ELAPOR1: variants seen among roughly 807,000 people sequenced by gnomAD.
ELAPOR1 encodes the protein endosome/lysosome-associated apoptosis and autophagy regulator 1.
In ELAPOR1, 77 loss-of-function variants were observed where a neutral mutation model predicts 119.7. The ratio of observed to expected loss-of-function variants is 0.64; its 90% CI spans 0.54 to 0.78. ELAPOR1 has a LOEUF of 0.78. ELAPOR1 is among the 30% of genes least tolerant of loss of function. The probability of loss-of-function intolerance (pLI) is 0.00; values close to 1 mark genes in which losing one functional copy is unlikely to be tolerated. For synonymous variants in ELAPOR1, 481 were observed against 487.2 expected (o/e 0.99, Z 0.17); for missense variants, 1,115 against 1,270.4 (o/e 0.88, Z 1.86).
Position 109,197,476 on chromosome 1 carries a change from T to A in ELAPOR1, c.2124T>A (p.Gly708=), listed in dbSNP as rs770279178. Residue 708 remains glycine, a splice_region_variant and synonymous_variant, in exon 16 of 22, where the codon GGT becomes GGA. Coordinates refer to ENST00000369939, the MANE Select transcript of ELAPOR1 (RefSeq NM_020775.5). ...CTTCCTCCCCACTCCCCAACCAGGG[T>A]AGGAAAATGTCTGTGTGCACCGACA... ...HFTLSLCGNQ[G]RKMSVCTDNV... The A allele has an allele frequency of 1.1e-5, 17 of 1,613,516 alleles. No individual in the cohort carries two copies. Among genetic ancestry groups the A allele is most frequent in the African/African-American group, 1.3e-5 (1 of 74,890 alleles).
intron 21 of ELAPOR1, among the ~76,000 whole-genome samples, chr1:109,202,212 A>C (rs1348892160): frequency 6.6e-6 from 1 of 151,760 alleles, no homozygotes; most frequent in African/African-American, 2.4e-5. Context: ...TCCCAGGTTC[A>C]AGTGGTTCTC....
At chr1:109,165,499 C>G (rs753158385) in intron 3 of ELAPOR1, among the ~76,000 whole-genome samples, 1 of 151,188 alleles carries the variant, frequency 6.6e-6, no homozygotes, top group Non-Finnish European at 1.5e-5. Context: ...GCAGGAGAAT[C>G]GCTTGAACTG....
At chr1:109,196,652 G>A (rs190841165) in intron 15 of ELAPOR1, among the ~76,000 whole-genome samples, 54 of 139,512 alleles carry the variant, frequency 3.9e-4, no homozygotes, top group African/African-American at 3.3e-4. Flanking sequence ...CTACAATCTA[G>A]AAAAAAAAAA....
At chr1:109,178,184 T>C (rs951216632) in intron 7 of ELAPOR1, among the ~76,000 whole-genome samples, 9 of 152,066 alleles carry the variant, frequency 5.9e-5, no homozygotes, top group African/African-American at 1.4e-4. Context: ...TAAATTTTTG[T>C]ATTTTTAGTA....
At chr1:109,156,271 C>T (rs1650867832) in intron 1 of ELAPOR1, among the ~76,000 whole-genome samples, 1 of 151,862 alleles carries the variant, frequency 6.6e-6, no homozygotes, top group Non-Finnish European at 1.5e-5. Context: ...AGAGGTTAGG[C>T]ATGTTCTCTA....
At chr1:109,144,061 A>ATATATATATATATTTTT in intron 1 of ELAPOR1, among the ~76,000 whole-genome samples, 9 of 88,990 alleles carry the variant, frequency 1.0e-4, no homozygotes, top group African/African-American at 3.9e-4. Context: ...ATATTTATAT[A>ATATATATATATATTTTT]TTTTTTTTTT....
intron 21 of ELAPOR1, chr1:109,201,456 G>A (rs1411878105): frequency 2.3e-6 from 1 of 431,912 alleles, no homozygotes; most frequent in Non-Finnish European, 4.7e-6. Flanking sequence ...AGACAATACT[G>A]TCACTGGGTG....
chr1:109,133,811 A>G (rs1649296309), intron 1 of ELAPOR1, among the ~76,000 whole-genome samples: 1 of 152,244 alleles, frequency 6.6e-6, no homozygotes, highest in South Asian at 2.1e-4. Flanking sequence ...AGAAATGGCA[A>G]GATTTGTCCT....
chr1:109,196,270 C>T (rs776547303), intron 15 of ELAPOR1, among the ~76,000 whole-genome samples: 1 of 152,142 alleles, frequency 6.6e-6, no homozygotes. Context: ...GCAAAGAAGT[C>T]GATGGGTGTT....
Position 109,200,225 on chromosome 1 carries a change from A to C in ELAPOR1, c.2795A>C (p.Lys932Thr). 1 of 1,614,028 alleles carries C rather than the reference A, an allele frequency of 6.2e-7. No individual in the cohort carries two copies. Among genetic ancestry groups the C allele is most frequent in the Non-Finnish European group, 8.5e-7 (1 of 1,179,932 alleles). ...ACCGTCTTGACCTGCTACTTTTGGA[A>C]AAAGAATCAAAAGTACATGTTGCGG... ...LLTVLTCYFW[K>T]KNQKLEYKYS... is the part of the protein sequence containing the mutation. Residue 932 changes from lysine (K) to threonine (T), a missense_variant, in exon 20 of 22, where the codon AAA becomes ACA. Physicochemically the swap from Lys to Thr is moderately conservative, Grantham distance 78. Coordinates refer to ENST00000369939, the MANE Select transcript of ELAPOR1 (RefSeq NM_020775.5).
chr1:109,131,050 G>C (rs939408635), intron 1 of ELAPOR1, among the ~76,000 whole-genome samples: 1 of 152,120 alleles, frequency 6.6e-6, no homozygotes, highest in Non-Finnish European at 1.5e-5. Context: ...GGGTGATTCT[G>C]GCTCAGAGTC....
intron 2 of ELAPOR1, among the ~76,000 whole-genome samples, chr1:109,163,610 G>A (rs1367355454): frequency 6.6e-6 from 1 of 151,772 alleles, no homozygotes; most frequent in Non-Finnish European, 1.5e-5. Flanking sequence ...TGTTGCCCAG[G>A]TTGGCCTCAA....
At chr1:109,158,303 A>G (rs1018656193) in intron 1 of ELAPOR1, among the ~76,000 whole-genome samples, 1 of 144,188 alleles carries the variant, frequency 6.9e-6, no homozygotes, top group African/African-American at 2.7e-5. Context: ...CTGACTTGAC[A>G]GTTTTCTTTT....
intron 1 of ELAPOR1, among the ~76,000 whole-genome samples, chr1:109,126,485 T>G (rs150829025): frequency 0.018 from 2,667 of 152,282 alleles, 88 homozygotes; most frequent in African/African-American, 0.061. Context: ...CACTTTTTTT[T>G]TTTGAGATGG....
Position 109,191,743 on chromosome 1 carries a change from C to T in ELAPOR1, c.1563C>T (p.Thr521=). 1.2e-6 allele frequency: 2 copies of T among 1,614,182 alleles called. No individual in the cohort carries two copies. Among genetic ancestry groups the T allele is most frequent in the Non-Finnish European group, 8.5e-7 (1 of 1,180,016 alleles). ...LYFMVGVNSR[T]NTPVETWKGS... Reference sequence around the variant, plus strand: ...GGGTTCAGGGTGTGAATTCTAGGACCAACACTCCTGTGGAGACGTGGAAAG... The same window carrying T: ...GGGTTCAGGGTGTGAATTCTAGGACTAACACTCCTGTGGAGACGTGGAAAG... The change falls in exon 13 of 22, where the codon ACC becomes ACT. Residue 521 remains threonine (T), a synonymous_variant. Coordinates refer to ENST00000369939, the MANE Select transcript of ELAPOR1 (RefSeq NM_020775.5).
At chr1:109,140,501 G>T (rs1570628479) in intron 1 of ELAPOR1, among the ~76,000 whole-genome samples, 2 of 152,300 alleles carry the variant, frequency 1.3e-5, no homozygotes, top group East Asian at 1.9e-4. Context: ...GATCACTCTG[G>T]CTATAGCCTA....
intron 1 of ELAPOR1, among the ~76,000 whole-genome samples, chr1:109,158,299 T>C (rs1006911697): frequency 1.3e-5 from 2 of 149,616 alleles, no homozygotes; most frequent in Non-Finnish European, 3.0e-5. Context: ...CATCCTGACT[T>C]GACAGTTTTC....
intron 1 of ELAPOR1, among the ~76,000 whole-genome samples, chr1:109,149,576 C>T (rs955018366): frequency 1.3e-5 from 2 of 152,182 alleles, no homozygotes; most frequent in Admixed American, 1.3e-4. Context: ...GGGCCACACC[C>T]TGGCCCACCA....
intron 21 of ELAPOR1, among the ~76,000 whole-genome samples, chr1:109,201,761 G>A (rs773513055): frequency 6.6e-6 from 1 of 152,084 alleles, no homozygotes; most frequent in Non-Finnish European, 1.5e-5. Context: ...GTTCACCCTG[G>A]GACTCTTGAG....
Sources: gnomAD v4.1 joint callset for allele counts (sites outside exome capture counted in the v4.1 genomes callset) on GRCh38, gnomAD v4.1.1 for gene constraint, MANE v1.5 for transcripts, NCBI Gene and HGNC (gene_info 2026-07-23, HGNC 2026-07-21) for gene names.